Variants in RB1 observed in about 807,000 individuals in gnomAD.
RB1 encodes the protein retinoblastoma-associated protein.
In RB1, 18 loss-of-function variants were observed where a neutral mutation model predicts 135.4. That is an observed-to-expected ratio of 0.13 (90% CI 0.09 to 0.20). The LOEUF (loss-of-function observed/expected upper bound fraction) is 0.20, where lower values mean the gene tolerates loss of function less well. Ranked by LOEUF, RB1 falls within the 10% of genes least tolerant of loss-of-function variation. The pLI is 1.00. For missense variants in RB1, 868 were observed against 1,110.0 expected (o/e 0.78, Z 3.10); for synonymous variants, 365 against 373.2 (o/e 0.98, Z 0.25).
At chr13:48,389,230 A>G (rs1339256936) in intron 17 of RB1, among the ~76,000 whole-genome samples, 1 of 152,050 alleles carries the variant, frequency 6.6e-6, no homozygotes, top group Non-Finnish European at 1.5e-5. Context: ...AGAACATTAC[A>G]AAGTCTGAGT....
chr13:48,318,960 G>A, intron 2 of RB1: 1 of 884,746 alleles, frequency 1.1e-6, no homozygotes, highest in Non-Finnish European at 1.9e-6. Context: ...TAGAAGCGTG[G>A]GCTTGCAGAA....
chr13:48,361,887 A>C (rs959687775), intron 7 of RB1, among the ~76,000 whole-genome samples: 16 of 150,804 alleles, frequency 1.1e-4, no homozygotes, highest in African/African-American at 3.9e-4. Flanking sequence ...AATTTCTTGT[A>C]AGTTGTTGAT....
intron 17 of RB1, among the ~76,000 whole-genome samples, chr13:48,431,570 T>TA (rs1284086783): frequency 6.6e-6 from 1 of 152,202 alleles, no homozygotes; most frequent in Non-Finnish European, 1.5e-5. Flanking sequence ...TACTTTTTTT[T>TA]ATTGGTTTTC....
At chr13:48,355,733 C>G (rs1952584147) in intron 6 of RB1, among the ~76,000 whole-genome samples, 1 of 152,014 alleles carries the variant, frequency 6.6e-6, no homozygotes, top group Admixed American at 6.6e-5. Context: ...GAGTACTATT[C>G]AGCCATAAAA....
chr13:48,454,882 G>A (rs1370291774), intron 18 of RB1, among the ~76,000 whole-genome samples: 2 of 152,172 alleles, frequency 1.3e-5, no homozygotes, highest in African/African-American at 4.8e-5. Context: ...TGTGGCTGGG[G>A]TATTGGAAGA....
rs777340111 is a variant in RB1, at chr13:48,303,972, C to T, written c.60C>T (p.Pro20=). 4.7e-6 allele frequency: 7 copies of T among 1,502,886 alleles called. No homozygotes were observed. Among genetic ancestry groups the T allele is most frequent in the South Asian group, 2.5e-5 (2 of 80,854 alleles). The allele number at this position is 1,502,886 out of a possible 1,614,324, so 93.1% of individuals were successfully genotyped here. The change falls in exon 1 of 27, where the codon CCC becomes CCT. Residue 20 remains proline, a synonymous_variant. Coordinates refer to ENST00000267163, the MANE Select transcript of RB1 (RefSeq NM_000321.3). ...AATAAAAAAE[P]PAPPPPPPPE... Reference sequence around the variant, plus strand: ...CCGCCGCCGCTGCCGCCGCGGAACCCCCGGCACCGCCGCCGCCGCCCCCTC... The same window carrying T: ...CCGCCGCCGCTGCCGCCGCGGAACCTCCGGCACCGCCGCCGCCGCCCCCTC...
rs879161808 is a variant in RB1 at position 48,318,799 on chromosome 13, C to T, written c.264+11393C>T. The T allele has an allele frequency of 2.0e-5, 17 of 830,652 alleles. No individual in the cohort carries two copies. The South Asian group carries it at 2.3e-4, about 11-fold the overall frequency. The allele number at this position is 830,652 out of a possible 1,614,324, so 51.5% of individuals were successfully genotyped here. A position where few individuals can be genotyped will look rare whatever the true frequency, so the allele number is the denominator to read the frequency against. ...TTGGGGCCAGGCGGTGAAAGTGGGCCCTGGGCAGCCTGCGAGCAGCTCTCA... is the reference window on the plus strand; with the variant it reads ...TTGGGGCCAGGCGGTGAAAGTGGGCTCTGGGCAGCCTGCGAGCAGCTCTCA... On this transcript the variant is annotated intron_variant, in intron 2 of 26. Transcript: ENST00000267163.
chr13:48,367,441 G>A (rs1237631078), intron 9 of RB1, 53 bp from the exon 10 acceptor site: 27 of 1,573,942 alleles, frequency 1.7e-5, no homozygotes, highest in Admixed American at 1.7e-5. Context: ...TCTGTGTGCT[G>A]AGAGATGTAA....
intron 9 of RB1, among the ~76,000 whole-genome samples, chr13:48,366,208 A>G (rs1260117920): frequency 6.6e-6 from 1 of 152,234 alleles, no homozygotes; most frequent in African/African-American, 2.4e-5. Context: ...TAGGCTGTTC[A>G]TAACTTTAAA....
chr13:48,380,020 C>G, intron 14 of RB1, 33 bp from the exon 15 acceptor site: 8 of 1,028,544 alleles, frequency 7.8e-6, no homozygotes, highest in Non-Finnish European at 1.1e-5. Flanking sequence ...AATTAAACAA[C>G]TTCTTTTTTT....
In RB1 at chr13:48,459,673, T is replaced by C. The variant is rs746388709; in HGVS notation, c.1961-15T>C. ...AATGAACAGTAAAAATGACTAATTT[T>C]TCTTATTCCCACAGTGTATCGGCTA... On this transcript the variant is annotated splice_polypyrimidine_tract_variant and intron_variant, in intron 19 of 26. Transcript: ENST00000267163. 3 of 1,614,014 alleles carry C rather than the reference T, an allele frequency of 1.9e-6. No individual in the cohort carries two copies. The highest frequency in any genetic ancestry group is 2.5e-6 in the Non-Finnish European group (3 of 1,179,928).
At chr13:48,435,091 A>G (rs1213590223) in intron 17 of RB1, among the ~76,000 whole-genome samples, 1 of 152,178 alleles carries the variant, frequency 6.6e-6, no homozygotes, top group Non-Finnish European at 1.5e-5. Flanking sequence ...GTAAAATTGA[A>G]GAGTTGTATG....
intron 2 of RB1, chr13:48,317,322 C>T: frequency 2.5e-6 from 1 of 395,370 alleles, no homozygotes; most frequent in Non-Finnish European, 4.5e-6. Context: ...CCTCGGACCC[C>T]TTGTCTTTCC....
intron 18 of RB1, among the ~76,000 whole-genome samples, chr13:48,454,552 G>A (rs1390862592): frequency 6.6e-6 from 1 of 152,212 alleles, no homozygotes; most frequent in African/African-American, 2.4e-5. Context: ...TCCCCTCATA[G>A]AGCTTACATT....
At chr13:48,371,338 G>A (rs1952756075) in intron 11 of RB1, among the ~76,000 whole-genome samples, 1 of 152,160 alleles carries the variant, frequency 6.6e-6, no homozygotes, top group Non-Finnish European at 1.5e-5. Flanking sequence ...TTAACCATGT[G>A]TGCAAATTAG....
rs1324739431 is a variant in RB1 at position 48,481,041 on chromosome 13, T to G, written c.*970T>G. On this transcript the variant is annotated 3_prime_UTR_variant, in exon 27 of 27. Transcript: ENST00000267163. ...AGACTGTTAATTATAGGAGCCTTAATTTTTTTTTCATAGAGATTTGTCTAA... is the reference window on the plus strand; with the variant it reads ...AGACTGTTAATTATAGGAGCCTTAAGTTTTTTTTCATAGAGATTTGTCTAA... 1 of 224,652 alleles carries G rather than the reference T, an allele frequency of 4.5e-6. No individual in the cohort carries two copies. Among genetic ancestry groups the G allele is most frequent in the Non-Finnish European group, 8.9e-6 (1 of 112,664 alleles). 13.9% of individuals were successfully genotyped at this position (224,652 alleles called of 1,614,324 possible). A position where few individuals can be genotyped will look rare whatever the true frequency, so the allele number is the denominator to read the frequency against.
intron 25 of RB1, 82 bp from the exon 26 acceptor site, chr13:48,477,273 T>C (rs896972572): frequency 1.0e-6 from 1 of 985,790 alleles, no homozygotes. Context: ...AAGTAAGTCA[T>C]CGAAAGCATC....
chr13:48,336,671 G>T lies in RB1; in HGVS notation c.265-5928G>T, dbSNP rs554183522. ...TCATTAATTTTTTGAAGGGTTTTTT[G>T]TGTCTCTATTTCCTTCAGTTCTGCT... On this transcript the variant is annotated intron_variant, in intron 2 of 26. Transcript: ENST00000267163. Among the ~76,000 whole-genome samples the T allele has an allele frequency of 2.3e-3, 345 of 150,982 alleles. 1 individual carries two copies. Among genetic ancestry groups the T allele is most frequent in the Non-Finnish European group, 4.0e-3 (273 of 67,700 alleles).
intron 12 of RB1, among the ~76,000 whole-genome samples, chr13:48,375,302 T>C (rs1270782781): frequency 6.6e-6 from 1 of 152,168 alleles, no homozygotes; most frequent in Non-Finnish European, 1.5e-5. Flanking sequence ...AAGGTCATTA[T>C]GTTTTTCCTT....
Sources: allele counts gnomAD v4.1 joint callset (sites outside exome capture counted in the v4.1 genomes callset), GRCh38; gene constraint gnomAD v4.1.1; transcripts MANE v1.5; gene names NCBI Gene and HGNC (gene_info 2026-07-23, HGNC 2026-07-21).